Variants in GRIN2A observed in about 807,000 individuals in gnomAD.
GRIN2A encodes the protein glutamate ionotropic receptor NMDA type subunit 2A, also known as glutamate receptor ionotropic, NMDA 2A.
A neutral mutation model predicts 113.4 loss-of-function variants in GRIN2A; 22 were observed. The observed-to-expected ratio is 0.19, with a 90% CI of 0.14 to 0.28. The LOEUF is 0.28. Ranked by LOEUF, GRIN2A falls within the 10% of genes least tolerant of loss-of-function variation. The pLI, the probability that GRIN2A is intolerant of heterozygous loss-of-function variation, is 1.00. For missense variants in GRIN2A, 1,502 were observed against 1,887.0 expected (o/e 0.80, Z 3.78); for synonymous variants, 827 against 738.4 (o/e 1.12, Z -1.94).
At chr16:10,054,750 A>G (rs2047416039) in intron 2 of GRIN2A, among the ~76,000 whole-genome samples, 1 of 152,140 alleles carries the variant, frequency 6.6e-6, no homozygotes, top group Non-Finnish European at 1.5e-5. Flanking sequence ...AATACTGAGT[A>G]AAAAAGAGTA....
intron 2 of GRIN2A, among the ~76,000 whole-genome samples, chr16:10,159,639 A>T (rs1042248459): frequency 6.6e-6 from 1 of 152,174 alleles, no homozygotes; most frequent in Non-Finnish European, 1.5e-5. Context: ...CATTTTACAG[A>T]TGAGGAAAGG....
At chr16:10,152,768 T>TGA (rs764960379) in intron 2 of GRIN2A, among the ~76,000 whole-genome samples, 7 of 152,090 alleles carry the variant, frequency 4.6e-5, no homozygotes, top group Non-Finnish European at 1.0e-4. Context: ...AAAGGAAGTG[T>TGA]GACATCAAGC....
At chr16:10,054,920 G>A (rs58834898) in intron 2 of GRIN2A, among the ~76,000 whole-genome samples, 21,156 of 150,908 alleles carry the variant, frequency 0.14, 2,072 homozygotes, top group African/African-American at 0.27. Flanking sequence ...GGTGGCACGC[G>A]TCTGTAGTCC....
At chr16:9,887,950 AG>A (rs1266438403) in intron 4 of GRIN2A, among the ~76,000 whole-genome samples, 1 of 152,094 alleles carries the variant, frequency 6.6e-6, no homozygotes, top group South Asian at 2.1e-4. Flanking sequence ...CCAGCTACTC[AG>A]GGGGGCTGAG....
intron 2 of GRIN2A, among the ~76,000 whole-genome samples, chr16:9,987,944 G>A (rs907902858): frequency 6.6e-6 from 1 of 152,176 alleles, no homozygotes; most frequent in African/African-American, 2.4e-5. Flanking sequence ...GCTAATACTT[G>A]GACGTGTCTA....
chr16:10,071,819 C>G (rs1434316528), intron 2 of GRIN2A, among the ~76,000 whole-genome samples: 2 of 152,222 alleles, frequency 1.3e-5, no homozygotes, highest in Non-Finnish European at 2.9e-5. Flanking sequence ...GAGCCGACAC[C>G]AGGCAGGGGT....
intron 2 of GRIN2A, among the ~76,000 whole-genome samples, chr16:10,023,260 G>A (rs907679679): frequency 1.3e-5 from 2 of 152,156 alleles, no homozygotes; most frequent in African/African-American, 4.8e-5. Context: ...TTCCAAATCT[G>A]AAATAACTCA....
At chr16:10,151,429 G>A (rs1226447172) in intron 2 of GRIN2A, among the ~76,000 whole-genome samples, 1 of 152,194 alleles carries the variant, frequency 6.6e-6, no homozygotes, top group Non-Finnish European at 1.5e-5. Flanking sequence ...GAAGCATGAA[G>A]CGATGGGAAA....
At chr16:9,892,320 G>T (rs189434855) in intron 3 of GRIN2A, among the ~76,000 whole-genome samples, 2 of 152,334 alleles carry the variant, frequency 1.3e-5, no homozygotes, top group Middle Eastern at 3.4e-3. Context: ...ATTGAAGGCT[G>T]TGTAGAGAAT....
chr16:9,815,025 A>C lies in GRIN2A; in HGVS notation c.2168+7239T>G, dbSNP rs538761625. Among the ~76,000 whole-genome samples, 451 of 149,622 alleles carry C rather than the reference A, an allele frequency of 3.0e-3. 1 individual carries two copies. Among genetic ancestry groups the C allele is most frequent in the African/African-American group, 0.011 (430 of 39,360 alleles). On this transcript the variant is annotated intron_variant, in intron 10 of 12. Transcript: ENST00000330684. Reference sequence around the variant, plus strand: ...AACAAGAGCGAAACTCCGTTTCAAAAAAAAAAAAAAAAAAAGGTACATTCC... The same window carrying C: ...AACAAGAGCGAAACTCCGTTTCAAACAAAAAAAAAAAAAAAGGTACATTCC...
chr16:10,140,656 C>A (rs901875363), intron 2 of GRIN2A, among the ~76,000 whole-genome samples: 6 of 152,164 alleles, frequency 3.9e-5, no homozygotes, highest in Admixed American at 2.6e-4. Flanking sequence ...TCAGGATATG[C>A]ACATGACCAG....
chr16:9,993,365 C>G (rs2046161609), intron 2 of GRIN2A, among the ~76,000 whole-genome samples: 1 of 152,048 alleles, frequency 6.6e-6, no homozygotes, highest in Admixed American at 6.6e-5. Context: ...GTCTAGGCAA[C>G]ATAGTGAAAC....
intron 8 of GRIN2A, among the ~76,000 whole-genome samples, chr16:9,829,949 A>C (rs1310428629): frequency 1.3e-5 from 2 of 152,210 alleles, no homozygotes; most frequent in African/African-American, 2.4e-5. Context: ...ACCTGTTTTA[A>C]ATTTGGATTT....
intron 2 of GRIN2A, among the ~76,000 whole-genome samples, chr16:10,139,462 C>T (rs946834896): frequency 2.0e-5 from 3 of 152,174 alleles, no homozygotes; most frequent in African/African-American, 7.2e-5. Flanking sequence ...AATCTGCTTC[C>T]ATTGTTAAAA....
chr16:10,132,295 G>A (rs923047610), intron 2 of GRIN2A, among the ~76,000 whole-genome samples: 2 of 140,346 alleles, frequency 1.4e-5, no homozygotes, highest in Non-Finnish European at 3.0e-5. Flanking sequence ...TTGTGCCACT[G>A]CACTCCAGCC....
intron 2 of GRIN2A, among the ~76,000 whole-genome samples, chr16:10,026,623 A>G (rs917557204): frequency 1.4e-5 from 2 of 142,372 alleles, no homozygotes; most frequent in East Asian, 3.9e-4. Context: ...TGCTCCATTC[A>G]CTGCACAGTC....
Position 10,170,880 on chromosome 16 carries a change from T to TAA in GRIN2A, c.414+9116_414+9117dup, listed in dbSNP as rs34463380. 2.4e-3 allele frequency among the ~76,000 whole-genome samples: 340 copies of TAA among 143,630 alleles called. 2 individuals are homozygous for TAA. The highest frequency in any genetic ancestry group is 3.6e-3 in the South Asian group (16 of 4,454). The allele number at this position is 143,630 out of a possible 152,430, so 94.2% of individuals were successfully genotyped here. A position where few individuals can be genotyped will look rare whatever the true frequency, so the allele number is the denominator to read the frequency against. On this transcript the variant is annotated intron_variant, in intron 2 of 12. Coordinates refer to ENST00000330684, the MANE Select transcript of GRIN2A (RefSeq NM_001134407.3). ...CAACAGAGTGAAACACTGTTTTCTT[T>TAA]AAAAAAAAAAAAAAAAAAATTGTGT...
chr16:10,101,792 C>A (rs537828450), intron 2 of GRIN2A, among the ~76,000 whole-genome samples: 2 of 152,300 alleles, frequency 1.3e-5, no homozygotes, highest in Admixed American at 1.3e-4. Flanking sequence ...ACACAACCTT[C>A]AGATCTTCCG....
At chr16:9,912,932 A>G (rs2044175090) in intron 3 of GRIN2A, among the ~76,000 whole-genome samples, 1 of 152,242 alleles carries the variant, frequency 6.6e-6, no homozygotes, top group African/African-American at 2.4e-5. Flanking sequence ...GTCTCCACAT[A>G]GAAGAGTTTT....
Sources: allele counts gnomAD v4.1 joint callset (sites outside exome capture counted in the v4.1 genomes callset), GRCh38; gene constraint gnomAD v4.1.1; transcripts MANE v1.5; gene names NCBI Gene and HGNC (gene_info 2026-07-23, HGNC 2026-07-21).